The following MYCBPAP variants were observed in gnomAD, a reference collection of about 807,000 sequenced individuals.
MYCBPAP encodes the protein MYCBP associated protein, also known as MYCBP-associated protein.
MYCBPAP carries 60 observed loss-of-function variants against 106.1 expected under a neutral mutation model. The observed-to-expected ratio is 0.57, with a 90% CI of 0.46 to 0.70. The LOEUF (loss-of-function observed/expected upper bound fraction) is 0.70, where lower values mean the gene tolerates loss of function less well. MYCBPAP is among the 30% of genes least tolerant of loss of function. MYCBPAP has a pLI of 0.00. For synonymous variants in MYCBPAP, 407 were observed against 440.6 expected, an observed-to-expected ratio of 0.92 and a Z score of 0.95; for missense variants, 1,064 against 1,169.3, an observed-to-expected ratio of 0.91 and a Z score of 1.31.
At chr17:50,511,248 A>C (rs935252122) in intron 1 of MYCBPAP, among the ~76,000 whole-genome samples, 7 of 152,106 alleles carry the variant, frequency 4.6e-5, no homozygotes, top group Non-Finnish European at 1.0e-4. Context: ...AAGCAAAAAT[A>C]GTGACTTAAA....
chr17:50,515,568 A>C (rs764133241), intron 1 of MYCBPAP, among the ~76,000 whole-genome samples: 1 of 152,152 alleles, frequency 6.6e-6, no homozygotes, highest in Non-Finnish European at 1.5e-5. Flanking sequence ...GTCCCAAACC[A>C]CTGTGCATCA....
intron 1 of MYCBPAP, among the ~76,000 whole-genome samples, chr17:50,514,189 A>G (rs1346330846): frequency 3.9e-5 from 6 of 152,190 alleles, no homozygotes; most frequent in Non-Finnish European, 8.8e-5. Context: ...GCACCTGGCC[A>G]ACAGGCTGAA....
At position 50,528,697 on chromosome 17, in the gene MYCBPAP, C is replaced by A. The variant is rs757278423; in HGVS notation, c.2410C>A (p.Gln804Lys). Residue 804 changes from glutamine to lysine, a missense_variant and splice_region_variant, in exon 17 of 19, where the codon CAA becomes AAA. By Grantham distance (53) the Gln-to-Lys change is moderately conservative (BLOSUM62 1). Coordinates refer to ENST00000323776, the MANE Select transcript of MYCBPAP (RefSeq NM_032133.6). ...IYLNVPEEQDQKSPPIMEVKV... is the reference protein window; with the variant it reads ...IYLNVPEEQDKKSPPIMEVKV... Reference sequence around the variant, plus strand: ...TTTCTTCCACCCACCTCCCTTAGATCAAAAATCACCTCCTATCATGGAAGT... The same window carrying A: ...TTTCTTCCACCCACCTCCCTTAGATAAAAAATCACCTCCTATCATGGAAGT... The A allele has an allele frequency of 6.8e-6, 11 of 1,613,430 alleles. No individual in the cohort carries two copies. The Admixed American group carries it at 1.0e-4, about 15-fold the overall frequency.
intron 1 of MYCBPAP, 25 bp downstream of exon 1, chr17:50,508,775 T>G: frequency 6.3e-7 from 1 of 1,593,956 alleles, no homozygotes; most frequent in Non-Finnish European, 8.6e-7. Flanking sequence ...CCTTGGGCGC[T>G]CGGGAGAACC....
chr17:50,519,915 T>A, intron 7 of MYCBPAP, 128 bp downstream of exon 7: 1 of 1,012,088 alleles, frequency 9.9e-7, no homozygotes. Context: ...TTCTCTGGGG[T>A]CTTAGGCAAG....
Position 50,527,339 on chromosome 17 carries a change from T to C in MYCBPAP, c.2222T>C (p.Leu741Pro), listed in dbSNP as rs763148831. Reference sequence around the variant, plus strand: ...CACAGAGAGGATGCGTTGATGAGGCTCAACAAAGCAGCCCTGGAGCTGTGC... The same window carrying C: ...CACAGAGAGGATGCGTTGATGAGGCCCAACAAAGCAGCCCTGGAGCTGTGC... ...ENHREDALMR[L>P]NKAALELCQK... Residue 741 changes from leucine to proline, a missense_variant, in exon 15 of 19, where the codon CTC becomes CCC. Leu to Pro is a moderately conservative substitution (Grantham distance 98). Coordinates refer to ENST00000323776, the MANE Select transcript of MYCBPAP (RefSeq NM_032133.6). 4.3e-6 allele frequency: 7 copies of C among 1,614,018 alleles called. No individual in the cohort carries two copies. In the South Asian group the frequency reaches 7.7e-5, roughly 18 times the overall value.
Position 50,525,055 on chromosome 17 carries a change from T to C in MYCBPAP, c.1782+32T>C, listed in dbSNP as rs376606185. The C allele has an allele frequency of 3.8e-6, 6 of 1,593,198 alleles. No homozygotes were observed. The African/African-American group carries it at 4.0e-5, about 11-fold the overall frequency. The stretch of plus-strand genomic sequence containing the variant: ...CCCAGCGCCAGCCCCTGCCCCCTCA[T>C]GTGTGCCCTGCGTCAAGGGTCCCCA... On this transcript the variant is annotated intron_variant, in intron 13 of 18. Coordinates refer to ENST00000323776, the MANE Select transcript of MYCBPAP (RefSeq NM_032133.6).
intron 18 of MYCBPAP, 29 bp from the exon 19 acceptor site, chr17:50,531,298 C>G: frequency 6.5e-7 from 1 of 1,532,348 alleles, no homozygotes; most frequent in Non-Finnish European, 9.0e-7. Flanking sequence ...AGAGTAAACT[C>G]TGCCTGTGAT....
intron 18 of MYCBPAP, 44 bp from the exon 19 acceptor site, chr17:50,531,283 C>A: frequency 7.2e-7 from 1 of 1,382,798 alleles, no homozygotes. Flanking sequence ...ATAGGTGCTT[C>A]CCACAGAGTA....
At chr17:50,529,957 A>AT (rs1040864266) in intron 18 of MYCBPAP, 1 of 426,682 alleles carries the variant, frequency 2.3e-6, no homozygotes. Flanking sequence ...CCACAAAGCC[A>AT]TTTTCAATAT....
At chr17:50,516,304 T>G (rs1158965630) in intron 1 of MYCBPAP, among the ~76,000 whole-genome samples, 1 of 152,170 alleles carries the variant, frequency 6.6e-6, no homozygotes, top group Non-Finnish European at 1.5e-5. Flanking sequence ...ACGAAACATC[T>G]TCTGATCTCA....
At chr17:50,522,709 A>AAAAATATATATATATATATATAT in intron 10 of MYCBPAP, 1 of 50,038 alleles carries the variant, frequency 2.0e-5, no homozygotes, top group African/African-American at 1.2e-4. Flanking sequence ...AAAAAAAAAA[A>AAAAATATATATATATATATATAT]ATATATATAT....
Position 50,523,659 on chromosome 17 carries a change from G to T in MYCBPAP, c.1510G>T (p.Val504Phe). 14 of 1,614,228 alleles carry T rather than the reference G, an allele frequency of 8.7e-6. No individual in the cohort carries two copies. The highest frequency in any genetic ancestry group is 1.1e-5 in the Non-Finnish European group (13 of 1,180,042). The change falls in exon 12 of 19, where the codon GTC becomes TTC. Residue 504 changes from valine to phenylalanine, a missense_variant. Coordinates refer to ENST00000323776, the MANE Select transcript of MYCBPAP (RefSeq NM_032133.6). Reference protein sequence around the residue: ...TFFFKSLTAGVFREFWEFRTH... With the variant: ...TFFFKSLTAGFFREFWEFRTH... Reference sequence around the variant, plus strand: ...CTTCTTCAAGTCTTTGACTGCTGGGGTCTTCAGGGAATTTTGGGAGTTTCG... The same window carrying T: ...CTTCTTCAAGTCTTTGACTGCTGGGTTCTTCAGGGAATTTTGGGAGTTTCG...
intron 15 of MYCBPAP, among the ~76,000 whole-genome samples, chr17:50,527,654 G>A (rs2034504332): frequency 6.6e-6 from 1 of 152,128 alleles, no homozygotes; most frequent in Non-Finnish European, 1.5e-5. Context: ...TTCTCAGTGA[G>A]CAGGGGAATG....
Position 50,522,694 on chromosome 17 carries a change from C to CAA in MYCBPAP, c.1258-230_1258-229dup, listed in dbSNP as rs1555620749. 26 of 36,288 alleles carry CAA rather than the reference C, an allele frequency of 7.2e-4. 2 individuals carry two copies. The highest frequency in any genetic ancestry group is 2.1e-3 in the African/African-American group (13 of 6,090). The allele number at this position is 36,288 out of a possible 1,614,324, so 2.2% of individuals were successfully genotyped here. Reference sequence around the variant, plus strand: ...AGGTGACAAGAGCGAAACTCTGTCTCAAAAAAAAAAAAAAAATATATATAT... The same window carrying CAA: ...AGGTGACAAGAGCGAAACTCTGTCTCAAAAAAAAAAAAAAAAAATATATATAT... On this transcript the variant is annotated intron_variant, in intron 10 of 18. Coordinates refer to ENST00000323776, the MANE Select transcript of MYCBPAP (RefSeq NM_032133.6).
chr17:50,527,311 A>G lies in MYCBPAP; in HGVS notation c.2194A>G (p.Asn732Asp). 1 of 1,614,054 alleles carries G rather than the reference A, an allele frequency of 6.2e-7. No homozygotes were observed. ...GGCAGTGATGGTGCTCCCTGATGAGAACCACAGAGAGGATGCGTTGATGAG... is the reference window on the plus strand; with the variant it reads ...GGCAGTGATGGTGCTCCCTGATGAGGACCACAGAGAGGATGCGTTGATGAG... ...RKAVMVLPDE[N>D]HREDALMRLN... Residue 732 changes from asparagine to aspartate, a missense_variant, in exon 15 of 19, where the codon AAC (asparagine) becomes GAC (aspartate). Transcript: ENST00000323776.
intron 4 of MYCBPAP, among the ~76,000 whole-genome samples, chr17:50,518,075 G>T (rs1048396384): frequency 6.6e-6 from 1 of 152,194 alleles, no homozygotes; most frequent in Non-Finnish European, 1.5e-5. Flanking sequence ...CAGTCCACGT[G>T]GTGGAGGAAG....
chr17:50,520,936 G>C (rs909774665), intron 7 of MYCBPAP, 174 bp from the exon 8 acceptor site: 2 of 584,640 alleles, frequency 3.4e-6, no homozygotes, highest in Non-Finnish European at 6.1e-6. Context: ...CTTGTGTAGG[G>C]CTGCTGAGGA....
chr17:50,519,126 G>A (rs969964950), intron 6 of MYCBPAP, 37 bp downstream of exon 6: 1 of 1,459,464 alleles, frequency 6.9e-7, no homozygotes, highest in Non-Finnish European at 9.5e-7. Flanking sequence ...GGGGCAGGGG[G>A]GTCCATGGAG....
Sources: gnomAD v4.1 joint callset for allele counts (sites outside exome capture counted in the v4.1 genomes callset) on GRCh38, gnomAD v4.1.1 for gene constraint, MANE v1.5 for transcripts, NCBI Gene and HGNC (gene_info 2026-07-23, HGNC 2026-07-21) for gene names.